The following DAB1 variants were observed in gnomAD, a reference collection of about 807,000 sequenced individuals.
DAB1 encodes disabled homolog 1.
DAB1 carries 15 observed loss-of-function variants against 64.6 expected under a neutral mutation model. The observed-to-expected ratio is 0.23, with a 90% confidence interval of 0.16 to 0.36. The LOEUF (loss-of-function observed/expected upper bound fraction) is 0.36. Ranked by LOEUF, DAB1 falls within the 10% of genes least tolerant of loss-of-function variation. DAB1 has a pLI of 1.00. For synonymous variants in DAB1, 235 were observed against 251.9 expected (o/e 0.93, Z 0.64); for missense variants, 596 against 706.7 (o/e 0.84, Z 1.78).
intron 3 of DAB1, among the ~76,000 whole-genome samples, chr1:58,429,476 T>G (rs566323480): frequency 3.9e-5 from 6 of 152,310 alleles, no homozygotes; most frequent in Non-Finnish European, 7.3e-5. Flanking sequence ...CAGTGAGATG[T>G]GCTGGAAGGC....
intron 7 of DAB1, among the ~76,000 whole-genome samples, chr1:57,635,923 G>A (rs933074716): frequency 2.0e-5 from 3 of 151,470 alleles, no homozygotes; most frequent in Admixed American, 1.3e-4. Context: ...GTGAAACCCC[G>A]TCACTACTAA....
chr1:57,163,430 A>G (rs1448340583), intron 2 of DAB1, among the ~76,000 whole-genome samples: 1 of 152,058 alleles, frequency 6.6e-6, no homozygotes, highest in Non-Finnish European at 1.5e-5. Context: ...AGCTAGTATG[A>G]TCACAGCAGA....
rs1215802139 is a variant in DAB1 at position 58,254,854 on chromosome 1, C to G, written n.309+88498G>C. On this transcript the variant is annotated intron_variant and non_coding_transcript_variant, in intron 4 of 20. Coordinates refer to the DAB1 transcript ENST00000485760. ...TGTGAATAATGCCGCAATAAACATACGTCTTTATAGCCGCATGTGTCTTTA... is the reference window on the plus strand; with the variant it reads ...TGTGAATAATGCCGCAATAAACATAGGTCTTTATAGCCGCATGTGTCTTTA... 2.4e-5 allele frequency among the ~76,000 whole-genome samples: 2 copies of G among 83,212 alleles called. 1 individual carries two copies. Among genetic ancestry groups the G allele is most frequent in the Non-Finnish European group, 4.2e-5 (2 of 47,214 alleles). 54.6% of individuals were successfully genotyped at this position (83,212 alleles called of 152,430 possible).
intron 1 of DAB1, among the ~76,000 whole-genome samples, chr1:57,834,890 T>C (rs1257879470): frequency 6.6e-6 from 1 of 152,176 alleles, no homozygotes; most frequent in African/African-American, 2.4e-5. Flanking sequence ...GGGAACAGGA[T>C]AACCCAGGCC....
chr1:57,938,484 C>T (rs758419655), intron 5 of DAB1, among the ~76,000 whole-genome samples: 3 of 152,048 alleles, frequency 2.0e-5, no homozygotes, highest in Admixed American at 6.6e-5. Context: ...TGAGTTCTCA[C>T]GAAATCTGAT....
intron 2 of DAB1, among the ~76,000 whole-genome samples, chr1:58,519,158 A>T (rs975070099): frequency 3.9e-5 from 6 of 152,216 alleles, no homozygotes; most frequent in African/African-American, 1.4e-4. Context: ...GAGAATTTTT[A>T]AAAGTCTCCA....
intron 3 of DAB1, among the ~76,000 whole-genome samples, chr1:58,427,718 C>T (rs1644834559): frequency 6.6e-6 from 1 of 152,058 alleles, no homozygotes; most frequent in African/African-American, 2.4e-5. Context: ...TTTGGGGATC[C>T]AGTGTTTGAC....
At chr1:57,661,046 C>T (rs1447033781) in intron 6 of DAB1, among the ~76,000 whole-genome samples, 4 of 151,938 alleles carry the variant, frequency 2.6e-5, no homozygotes, top group Admixed American at 6.6e-5. Flanking sequence ...AAATAGAAAA[C>T]AATGGTGCAT....
intron 3 of DAB1, among the ~76,000 whole-genome samples, chr1:58,414,875 C>T (rs950689188): frequency 2.0e-5 from 3 of 151,776 alleles, no homozygotes; most frequent in Admixed American, 1.3e-4. Context: ...CCAAAGATCT[C>T]GGTTAAGGAA....
chr1:57,817,612 C>A (rs1651928480), intron 6 of DAB1, among the ~76,000 whole-genome samples: 1 of 152,190 alleles, frequency 6.6e-6, no homozygotes. Flanking sequence ...CAATGTCAGG[C>A]AACACTGGCT....
intron 5 of DAB1, among the ~76,000 whole-genome samples, chr1:57,908,981 A>AT (rs1644600477): frequency 6.6e-6 from 1 of 152,058 alleles, no homozygotes; most frequent in Non-Finnish European, 1.5e-5. Flanking sequence ...TTAAAAAAAA[A>AT]TGCCTATTTT....
intron 7 of DAB1, among the ~76,000 whole-genome samples, chr1:57,569,661 G>A (rs1271971847): frequency 6.6e-6 from 1 of 151,966 alleles, no homozygotes; most frequent in Non-Finnish European, 1.5e-5. Context: ...ACAAGTTAAT[G>A]GGGGCATCAC....
chr1:57,038,544 A>G lies in DAB1; in HGVS notation c.724-12501T>C, dbSNP rs149517900. Among the ~76,000 whole-genome samples, 15 of 152,244 alleles carry G rather than the reference A, an allele frequency of 9.9e-5. No individual in the cohort carries two copies. In the East Asian group the frequency reaches 2.9e-3, roughly 29 times the overall value. On this transcript the variant is annotated intron_variant, in intron 9 of 14. Transcript: ENST00000371236. ...GCCTCTTTGAGGTTTTGTCTTTATA[A>G]TGATTGAGACGTTGCCTCTAATTAC...
chr1:57,070,152 A>T (rs1256127581), intron 7 of DAB1, among the ~76,000 whole-genome samples: 1 of 152,170 alleles, frequency 6.6e-6, no homozygotes, highest in Non-Finnish European at 1.5e-5. Context: ...ACATTATTTT[A>T]CTTTCATTGT....
intron 2 of DAB1, among the ~76,000 whole-genome samples, chr1:57,245,265 T>C (rs1476489379): frequency 6.6e-6 from 1 of 152,110 alleles, no homozygotes. Context: ...TGATTTAGGG[T>C]ACCTGCTGGG....
chr1:58,243,645 C>A (rs1660400544), intron 4 of DAB1, among the ~76,000 whole-genome samples: 1 of 152,080 alleles, frequency 6.6e-6, no homozygotes, highest in Non-Finnish European at 1.5e-5. Flanking sequence ...CACAGTGGCC[C>A]AAGACAGTTT....
intron 7 of DAB1, among the ~76,000 whole-genome samples, chr1:57,644,392 G>C (rs1490549283): frequency 6.6e-6 from 1 of 152,154 alleles, no homozygotes. Context: ...ACAGAAAAGG[G>C]AGTCATAGAG....
chr1:57,076,721 T>C (rs1652027692), intron 4 of DAB1, among the ~76,000 whole-genome samples: 2 of 152,238 alleles, frequency 1.3e-5, no homozygotes, highest in Admixed American at 1.3e-4. Flanking sequence ...ACGGAAGGCA[T>C]AGCTCTGACA....
intron 5 of DAB1, among the ~76,000 whole-genome samples, chr1:57,893,953 G>T (rs1298040396): frequency 6.6e-6 from 1 of 152,100 alleles, no homozygotes; most frequent in South Asian, 2.1e-4. Context: ...GCCTCCTAGG[G>T]ACATCCGGCT....
Sources: allele counts gnomAD v4.1 joint callset (sites outside exome capture counted in the v4.1 genomes callset), GRCh38; gene constraint gnomAD v4.1.1; transcripts MANE v1.5; gene names NCBI Gene and HGNC (gene_info 2026-07-23, HGNC 2026-07-21).